DDX19B: variants seen among roughly 807,000 people sequenced by gnomAD.
DDX19B encodes DEAD-box helicase 19B.
In DDX19B, 27 loss-of-function variants were observed where a neutral mutation model predicts 58.1. The observed-to-expected ratio is 0.46, with a 90% confidence interval of 0.34 to 0.64. The LOEUF (loss-of-function observed/expected upper bound fraction) is 0.64, where lower values mean the gene tolerates loss of function less well. Among genes scored for constraint, DDX19B ranks in the 30% least tolerant of loss-of-function variants. The pLI is 0.01. For synonymous variants in DDX19B, 187 were observed against 214.4 expected (o/e 0.87, Z 1.12); for missense variants, 399 against 596.5 (o/e 0.67, Z 3.45).
Position 70,299,214 on chromosome 16 carries a change from C to A in DDX19B, c.-84C>A, listed in dbSNP as rs1567620712. On this transcript the variant is annotated 5_prime_UTR_variant, in exon 1 of 12. Coordinates refer to ENST00000288071, the MANE Select transcript of DDX19B (RefSeq NM_007242.7). ...GCCTTGTAGTGGGGCTGGAGCAGAG[C>A]CTGCCGCGAACCCCCGGAGCCCACG... The A allele has an allele frequency of 1.4e-6, 2 of 1,446,730 alleles. No homozygotes were observed. Among genetic ancestry groups the A allele is most frequent in the Non-Finnish European group, 9.1e-7 (1 of 1,099,886 alleles). 89.6% of individuals were successfully genotyped at this position (1,446,730 alleles called of 1,614,324 possible).
At chr16:70,293,903 G>A (rs1407339370), upstream of DDX19B, among the ~76,000 whole-genome samples, 2 of 151,370 alleles carry the variant, frequency 1.3e-5, no homozygotes, top group Non-Finnish European at 2.9e-5. Flanking sequence ...GAGCCACCGC[G>A]CCCGGCCAAG....
Position 70,312,632 on chromosome 16 carries a change from A to G in DDX19B, c.81A>G (p.Glu27=), listed in dbSNP as rs973816158. The part of the protein sequence containing the change: ...AESLSNLHLK[E]EKIKPDTNGA... ...AGTTGAGCAACTTGCATCTTAAGGA[A>G]GAGAAAATCAAACCAGATACCAATG... is the stretch of plus-strand genomic sequence containing the variant. The change falls in exon 2 of 12, where the codon GAA becomes GAG. Residue 27 remains glutamate (E), a synonymous_variant. Coordinates refer to ENST00000288071, the MANE Select transcript of DDX19B (RefSeq NM_007242.7). 1.2e-6 allele frequency: 2 copies of G among 1,613,214 alleles called. No individual in the cohort carries two copies. The highest frequency in any genetic ancestry group is 1.7e-6 in the Non-Finnish European group (2 of 1,179,430).
upstream of DDX19B, among the ~76,000 whole-genome samples, chr16:70,291,874 A>G (rs932307278): frequency 1.3e-5 from 2 of 151,818 alleles, no homozygotes; most frequent in Admixed American, 1.3e-4. Flanking sequence ...GTAGGCCAGC[A>G]CAGAGACTCA....
intron 6 of DDX19B, 43 bp from the exon 7 acceptor site, chr16:70,325,531 A>C (rs1359195618): frequency 2.1e-5 from 29 of 1,367,658 alleles, no homozygotes; most frequent in Non-Finnish European, 2.9e-5. Context: ...TTTGCAAAAG[A>C]GCTATTGTCT....
chr16:70,329,261 A>G, intron 7 of DDX19B, 31 bp from the exon 8 acceptor site: 1 of 1,595,072 alleles, frequency 6.3e-7, no homozygotes, highest in East Asian at 2.2e-5. Flanking sequence ...AGAAATACCC[A>G]CACATGGAAA....
At chr16:70,304,562 A>C (rs1961659932) in intron 1 of DDX19B, among the ~76,000 whole-genome samples, 2 of 151,464 alleles carry the variant, frequency 1.3e-5, no homozygotes, top group Non-Finnish European at 2.9e-5. Flanking sequence ...TAGTAGAGAC[A>C]GGGTTTCACC....
At chr16:70,309,472 G>A (rs1567626201) in intron 1 of DDX19B, among the ~76,000 whole-genome samples, 1 of 151,766 alleles carries the variant, frequency 6.6e-6, no homozygotes, top group Non-Finnish European at 1.5e-5. Flanking sequence ...TTCAGCCTGG[G>A]CGACAGAGCG....
intron 3 of DDX19B, among the ~76,000 whole-genome samples, chr16:70,315,189 A>T (rs7204793): frequency 0.057 from 8,605 of 150,690 alleles, 865 homozygotes; most frequent in African/African-American, 0.2. Context: ...ATCCTGGCTA[A>T]CACGGTGAAA....
chr16:70,318,328 C>T (rs1962554498), intron 5 of DDX19B, among the ~76,000 whole-genome samples: 1 of 151,202 alleles, frequency 6.6e-6, no homozygotes, highest in Non-Finnish European at 1.5e-5. Flanking sequence ...GAGCTGAGAT[C>T]ACACCAGTGC....
chr16:70,324,382 AAAAAAAG>A (rs1248487016), intron 5 of DDX19B, among the ~76,000 whole-genome samples, 196 bp from the exon 6 acceptor site: 2 of 150,862 alleles, frequency 1.3e-5, no homozygotes, highest in African/African-American at 4.9e-5. Flanking sequence ...AAAAAAAAAA[AAAAAAAG>A]AAGAAGATGT....
At chr16:70,317,443 CT>C (rs1230127708) in intron 4 of DDX19B, 52 bp from the exon 5 acceptor site, 11 of 1,395,540 alleles carry the variant, frequency 7.9e-6, no homozygotes, top group Non-Finnish European at 1.1e-5. Flanking sequence ...AGATATTTTG[CT>C]GCTTTCCTCA....
intron 5 of DDX19B, among the ~76,000 whole-genome samples, chr16:70,324,096 A>G (rs1009151653): frequency 6.6e-6 from 1 of 152,136 alleles, no homozygotes; most frequent in Non-Finnish European, 1.5e-5. Context: ...GGAGCAGATC[A>G]TGCAGGACCT....
intron 10 of DDX19B, 147 bp downstream of exon 10, chr16:70,332,031 T>C (rs1382264687): frequency 2.4e-5 from 31 of 1,291,408 alleles, no homozygotes; most frequent in Non-Finnish European, 3.2e-5. Flanking sequence ...GAGAGACTGT[T>C]TGGATTTCCC....
Position 70,329,305 on chromosome 16 carries a change from G to A in DDX19B, c.621G>A (p.Gln207=). The A allele has an allele frequency of 6.2e-7, 1 of 1,613,380 alleles. No homozygotes were observed. Among genetic ancestry groups the A allele is most frequent in the Non-Finnish European group, 8.5e-7 (1 of 1,179,842 alleles). Residue 207 remains glutamine (Q), a synonymous_variant, in exon 8 of 12, where the codon CAG becomes CAA. Transcript: ENST00000288071. ...AVRGNKLERG[Q]KISEQIVIGT... is the part of the protein sequence containing the mutation. ...GGGTCTCCACAGTGGAAAGAGGCCA[G>A]AAGATCAGTGAGCAGATTGTCATTG...
upstream of DDX19B, among the ~76,000 whole-genome samples, chr16:70,298,018 C>T (rs926250565): frequency 6.6e-6 from 1 of 152,198 alleles, no homozygotes; most frequent in African/African-American, 2.4e-5. Flanking sequence ...TGTGCCTGGC[C>T]AATCCTGGCA....
At chr16:70,295,061 T>C (rs539430496), upstream of DDX19B, 1 of 1,292,344 alleles carries the variant, frequency 7.7e-7, no homozygotes, top group Non-Finnish European at 9.8e-7. Flanking sequence ...ATCCGCCATC[T>C]GTGAGGTGGG....
chr16:70,310,874 CA>C (rs1364484646), intron 1 of DDX19B, among the ~76,000 whole-genome samples: 3 of 148,930 alleles, frequency 2.0e-5, no homozygotes, highest in African/African-American at 7.4e-5. Flanking sequence ...ACTAAAAATA[CA>C]AAAAAATTAG....
chr16:70,320,941 T>C lies in DDX19B; in HGVS notation c.389+3353T>C, dbSNP rs1019523953. On this transcript the variant is annotated intron_variant, in intron 5 of 11. Transcript: ENST00000288071. ...CCCCCCAAAGTGTTGGGATTACAGG[T>C]ATGAGGCACCACACTAGGCTTTTTT... 2.0e-5 allele frequency among the ~76,000 whole-genome samples: 3 copies of C among 148,196 alleles called. No individual in the cohort carries two copies. In the East Asian group the frequency reaches 6.1e-4, roughly 30 times the overall value.
At chr16:70,312,261 C>A (rs1308574026) in intron 1 of DDX19B, among the ~76,000 whole-genome samples, 1 of 152,022 alleles carries the variant, frequency 6.6e-6, no homozygotes, top group Non-Finnish European at 1.5e-5. Context: ...GCGATTCCCC[C>A]CCACACACAA....
Sources: gnomAD v4.1 joint callset for allele counts (sites outside exome capture counted in the v4.1 genomes callset) on GRCh38, gnomAD v4.1.1 for gene constraint, MANE v1.5 for transcripts, NCBI Gene and HGNC (gene_info 2026-07-23, HGNC 2026-07-21) for gene names.